The following KCNMA1 variants were observed in gnomAD, a reference collection of about 807,000 sequenced individuals.
KCNMA1 encodes the protein potassium calcium-activated channel subfamily M alpha 1.
KCNMA1 carries 29 observed loss-of-function variants against 140.0 expected under a neutral mutation model. The observed-to-expected ratio is 0.21, with a 90% CI of 0.15 to 0.28. The LOEUF (loss-of-function observed/expected upper bound fraction) is 0.28. KCNMA1 is among the 10% of genes least tolerant of loss of function. The pLI is 1.00. For synonymous variants in KCNMA1, 612 were observed against 611.9 expected (o/e 1.00, Z 0.00); for missense variants, 880 against 1,602.2 (o/e 0.55, Z 7.70).
chr10:77,573,794 T>C (rs1167640023), intron 1 of KCNMA1, among the ~76,000 whole-genome samples: 1 of 151,556 alleles, frequency 6.6e-6, no homozygotes, highest in Non-Finnish European at 1.5e-5. Context: ...TCACCCTGTA[T>C]ACCTGTCCAC....
intron 14 of KCNMA1, among the ~76,000 whole-genome samples, chr10:77,045,513 C>T (rs1344120392): frequency 6.6e-6 from 1 of 152,150 alleles, no homozygotes; most frequent in Non-Finnish European, 1.5e-5. Flanking sequence ...TCTTCATTAT[C>T]TAATTTTTCA....
At chr10:76,911,508 TG>T (rs2050237331) in intron 24 of KCNMA1, 3 of 152,218 alleles carry the variant, frequency 2.0e-5, no homozygotes, top group Non-Finnish European at 4.4e-5. Flanking sequence ...TACCTTAGTT[TG>T]TTTCTGTAAA....
At chr10:77,265,132 A>ATGAGGTATTTTTTTTTTTTTTTGG (rs1555103410) in intron 2 of KCNMA1, among the ~76,000 whole-genome samples, 3 of 152,066 alleles carry the variant, frequency 2.0e-5, no homozygotes, top group Non-Finnish European at 4.4e-5. Flanking sequence ...TCTCACTGCA[A>ATGAGGTATTTTTTTTTTTTTTTGG]CTTCTGCCTC....
intron 2 of KCNMA1, among the ~76,000 whole-genome samples, chr10:77,380,875 G>A (rs989772202): frequency 6.6e-6 from 1 of 152,198 alleles, no homozygotes; most frequent in Non-Finnish European, 1.5e-5. Context: ...AGTGGATGTG[G>A]TGAAATGAAA....
At chr10:77,308,175 G>A (rs2078291299) in intron 2 of KCNMA1, among the ~76,000 whole-genome samples, 1 of 152,158 alleles carries the variant, frequency 6.6e-6, no homozygotes. Context: ...AGAGGAGTGA[G>A]TGGGAGGACA....
At chr10:77,401,474 C>A (rs2096264741) in intron 2 of KCNMA1, among the ~76,000 whole-genome samples, 1 of 152,166 alleles carries the variant, frequency 6.6e-6, no homozygotes, top group African/African-American at 2.4e-5. Flanking sequence ...TTTAGCATGG[C>A]CTTTAAAGCC....
chr10:77,073,642 C>A (rs542048509), intron 13 of KCNMA1, among the ~76,000 whole-genome samples: 1 of 152,284 alleles, frequency 6.6e-6, no homozygotes, highest in South Asian at 2.1e-4. Flanking sequence ...TTTTACCTGC[C>A]TTTCCAATAC....
chr10:77,161,625 A>T lies in KCNMA1; in HGVS notation c.808+21796T>A, dbSNP rs967132405. Among the ~76,000 whole-genome samples the T allele has an allele frequency of 2.0e-5, 3 of 152,214 alleles. No individual in the cohort carries two copies. In the South Asian group the frequency reaches 6.2e-4, roughly 31 times the overall value. On this transcript the variant is annotated intron_variant, in intron 5 of 27. Transcript: ENST00000286628. ...TCAGGCACACTAGGTTCCATCATTC[A>T]ATTACTATCCTATTAAGCTGAATTC...
intron 5 of KCNMA1, among the ~76,000 whole-genome samples, chr10:77,180,728 G>A (rs2098796510): frequency 6.6e-6 from 1 of 152,076 alleles, no homozygotes; most frequent in Non-Finnish European, 1.5e-5. Context: ...TATAGTAGAT[G>A]CTCAATAAAT....
In KCNMA1 at chr10:77,032,403, G is replaced by A. The variant is rs1034176972; in HGVS notation, c.1860-4512C>T. Among the ~76,000 whole-genome samples, 8 of 151,970 alleles carry A rather than the reference G, an allele frequency of 5.3e-5. No individual in the cohort carries two copies. In the East Asian group the frequency reaches 1.5e-3, roughly 29 times the overall value. ...GAAATCAGGAAGCAGGGTGAGGTGA[G>A]GTAAGGGGAAAAAAGGAAGTAAGAA... On this transcript the variant is annotated intron_variant, in intron 15 of 27. Coordinates refer to ENST00000286628, the MANE Select transcript of KCNMA1 (RefSeq NM_001161352.2).
intron 9 of KCNMA1, among the ~76,000 whole-genome samples, chr10:77,105,699 C>A (rs1467007481): frequency 6.6e-6 from 1 of 152,184 alleles, no homozygotes; most frequent in African/African-American, 2.4e-5. Flanking sequence ...TTTTAAGAGT[C>A]TGAACTTTAT....
chr10:76,873,292 A>G (rs1215356996), downstream of KCNMA1: 1 of 152,216 alleles, frequency 6.6e-6, no homozygotes, highest in Non-Finnish European at 1.5e-5. Flanking sequence ...GACTCCACTT[A>G]AACAACCAAT....
At chr10:77,625,602 G>A (rs1351579617) in intron 1 of KCNMA1, among the ~76,000 whole-genome samples, 2 of 152,122 alleles carry the variant, frequency 1.3e-5, no homozygotes, top group African/African-American at 4.8e-5. Flanking sequence ...GTAAGTGGAA[G>A]TTATCCTTTT....
intron 3 of KCNMA1, among the ~76,000 whole-genome samples, chr10:77,207,950 G>T (rs1176264626): frequency 6.6e-6 from 1 of 152,194 alleles, no homozygotes; most frequent in African/African-American, 2.4e-5. Flanking sequence ...TGAGAATCTG[G>T]AATGCAGATT....
intron 2 of KCNMA1, among the ~76,000 whole-genome samples, chr10:77,366,695 CTTACA>C (rs1566304460): frequency 6.6e-6 from 1 of 152,058 alleles, no homozygotes; most frequent in Non-Finnish European, 1.5e-5. Context: ...GGAAGTGATG[CTTACA>C]TTACAAGTCC....
At chr10:77,565,851 C>T (rs1163345197) in intron 1 of KCNMA1, among the ~76,000 whole-genome samples, 1 of 152,064 alleles carries the variant, frequency 6.6e-6, no homozygotes, top group Non-Finnish European at 1.5e-5. Context: ...CAAATGTGAG[C>T]CTCCCACCCC....
chr10:77,530,014 C>T (rs975896830), intron 1 of KCNMA1, among the ~76,000 whole-genome samples: 1 of 152,222 alleles, frequency 6.6e-6, no homozygotes, highest in African/African-American at 2.4e-5. Context: ...GACAACAAAG[C>T]TAATAATGTT....
At chr10:77,121,752 A>C (rs2097602959) in intron 5 of KCNMA1, among the ~76,000 whole-genome samples, 1 of 152,238 alleles carries the variant, frequency 6.6e-6, no homozygotes, top group Non-Finnish European at 1.5e-5. Flanking sequence ...TGGAGAAGGA[A>C]AACACATCAA....
In KCNMA1 at chr10:77,504,709, G is replaced by A. The variant is rs546950746; in HGVS notation, c.379-100686C>T. Among the ~76,000 whole-genome samples the A allele has an allele frequency of 1.2e-4, 19 of 152,096 alleles. No individual in the cohort carries two copies. In the South Asian group the frequency reaches 3.9e-3, roughly 32 times the overall value. On this transcript the variant is annotated intron_variant, in intron 1 of 27. Transcript: ENST00000286628. ...ACTCCTGGGCTCAAGCAATTCTCCT[G>A]CCTCAGCCTCCCAAATCACTAGGTA...
Sources: allele counts gnomAD v4.1 joint callset (sites outside exome capture counted in the v4.1 genomes callset), GRCh38; gene constraint gnomAD v4.1.1; transcripts MANE v1.5; gene names NCBI Gene and HGNC (gene_info 2026-07-23, HGNC 2026-07-21).